BLK: variants seen among roughly 807,000 people sequenced by gnomAD.
The protein encoded by BLK is tyrosine-protein kinase Blk.
Under a neutral mutation model 61.8 loss-of-function variants are expected in BLK, and 64 were observed. That is an observed-to-expected ratio of 1.03 (90% confidence interval 0.85 to 1.27). The LOEUF (loss-of-function observed/expected upper bound fraction) is 1.27. Among genes scored for constraint, BLK ranks in the 50% most tolerant of loss-of-function variants. The pLI is 0.00. For missense variants in BLK, 853 were observed against 660.5 expected (o/e 1.29, Z -3.19); for synonymous variants, 351 against 272.0 (o/e 1.29, Z -2.86).
At chr8:11,510,708 A>T (rs1417050842) in intron 1 of BLK, among the ~76,000 whole-genome samples, 1 of 152,084 alleles carries the variant, frequency 6.6e-6, no homozygotes, top group Non-Finnish European at 1.5e-5. Flanking sequence ...CAGTAATGGG[A>T]TAGGGAATAT....
intron 6 of BLK, among the ~76,000 whole-genome samples, chr8:11,553,858 G>A (rs1237107471): frequency 6.6e-6 from 1 of 152,202 alleles, no homozygotes; most frequent in Non-Finnish European, 1.5e-5. Context: ...GGAGAGGAAA[G>A]AGCCTTAAGT....
chr8:11,559,478 CACACAA>C (rs1801385321), intron 10 of BLK, among the ~76,000 whole-genome samples: 1 of 150,616 alleles, frequency 6.6e-6, no homozygotes, highest in Admixed American at 6.6e-5. Context: ...AACACAAACT[CACACAA>C]ACACATTTAC....
intron 1 of BLK, among the ~76,000 whole-genome samples, chr8:11,513,396 G>C (rs1259750828): frequency 2.0e-5 from 3 of 152,234 alleles, no homozygotes; most frequent in Middle Eastern, 3.2e-3. Flanking sequence ...CATCATTCCT[G>C]ATGGAGCCCT....
At chr8:11,555,010 G>A in intron 7 of BLK, 121 bp downstream of exon 7, 2 of 1,456,434 alleles carry the variant, frequency 1.4e-6, no homozygotes, top group Non-Finnish European at 1.8e-6. Context: ...TTATCCCAAA[G>A]TTAGGCCTAA....
rs140800181 is a variant in BLK at position 11,503,618 on chromosome 8, G to A, written c.-2+9027G>A. 4.6e-5 allele frequency among the ~76,000 whole-genome samples: 7 copies of A among 152,328 alleles called. No individual in the cohort carries two copies. The East Asian group carries it at 1.4e-3, about 29-fold the overall frequency. On this transcript the variant is annotated intron_variant, in intron 1 of 12. Coordinates refer to ENST00000259089, the MANE Select transcript of BLK (RefSeq NM_001715.3). Reference sequence around the variant, plus strand: ...ATTTCCTGCCGTGGACCAGGGATCTGTGTGCTGTCTGAAGTAAGCAAGGGT... The same window carrying A: ...ATTTCCTGCCGTGGACCAGGGATCTATGTGCTGTCTGAAGTAAGCAAGGGT...
chr8:11,535,252 A>G (rs1220956810), intron 1 of BLK, among the ~76,000 whole-genome samples: 11 of 145,884 alleles, frequency 7.5e-5, no homozygotes, highest in African/African-American at 2.8e-4. Flanking sequence ...AGGAAAGGAA[A>G]GAAAGAAAGA....
At chr8:11,553,394 G>C (rs1343351066) in intron 6 of BLK, 1 of 452,008 alleles carries the variant, frequency 2.2e-6, no homozygotes, top group African/African-American at 2.0e-5. Context: ...TCCAGGTTTT[G>C]TGAAACTGAA....
intron 5 of BLK, 23 bp from the exon 6 acceptor site, chr8:11,550,136 C>T: frequency 6.2e-7 from 1 of 1,606,586 alleles, no homozygotes; most frequent in Non-Finnish European, 8.5e-7. Flanking sequence ...CTCTGAGTTT[C>T]ACCTGTTCCT....
chr8:11,563,866 A>C, intron 12 of BLK, 37 bp from the exon 13 acceptor site: 1 of 1,574,696 alleles, frequency 6.4e-7, no homozygotes, highest in Non-Finnish European at 8.6e-7. Flanking sequence ...CGAGGACCCC[A>C]GCCCCTCACC....
chr8:11,504,427 G>C (rs1798692312), intron 1 of BLK, among the ~76,000 whole-genome samples: 1 of 140,152 alleles, frequency 7.1e-6, no homozygotes, highest in Non-Finnish European at 1.5e-5. Context: ...AAAAAGAAAA[G>C]ATCCCATTCA....
Position 11,557,834 on chromosome 8 carries a change from C to T in BLK, c.953-128C>T, listed in dbSNP as rs568662135. 6 of 764,758 alleles carry T rather than the reference C, an allele frequency of 7.8e-6. No individual in the cohort carries two copies. The East Asian group carries it at 1.1e-4, about 14-fold the overall frequency. 47.4% of individuals were successfully genotyped at this position (764,758 alleles called of 1,614,324 possible). On this transcript the variant is annotated intron_variant, in intron 9 of 12. Coordinates refer to ENST00000259089, the MANE Select transcript of BLK (RefSeq NM_001715.3). The stretch of plus-strand genomic sequence containing the variant: ...CAGTAGGTAGATCCTTCCTGATGCA[C>T]CGAGAGATCTGAGGGTGCAAACTCC...
rs114507929 is a variant in BLK at position 11,516,879 on chromosome 8, G to T, written c.-2+22288G>T. Among the ~76,000 whole-genome samples, 306 of 152,334 alleles carry T rather than the reference G, an allele frequency of 2.0e-3. 2 individuals carry two copies. The highest frequency in any genetic ancestry group is 6.9e-3 in the African/African-American group (286 of 41,568). On this transcript the variant is annotated intron_variant, in intron 1 of 12. Transcript: ENST00000259089. ...TTTAGCCACTGAGCAACACTGCTGT[G>T]GACACAAGTGTACAAATACCTGCTC...
chr8:11,539,513 T>C (rs1800279441), intron 1 of BLK, among the ~76,000 whole-genome samples: 1 of 152,240 alleles, frequency 6.6e-6, no homozygotes, highest in African/African-American at 2.4e-5. Context: ...CTCACATGTG[T>C]CTATATAATG....
intron 1 of BLK, among the ~76,000 whole-genome samples, chr8:11,512,111 G>C (rs1227390482): frequency 2.0e-5 from 3 of 152,200 alleles, no homozygotes; most frequent in Non-Finnish European, 4.4e-5. Flanking sequence ...TCCTTGAAGA[G>C]CTCAGGAGGA....
At chr8:11,499,269 G>C (rs543557984) in intron 1 of BLK, among the ~76,000 whole-genome samples, 1 of 152,346 alleles carries the variant, frequency 6.6e-6, no homozygotes, top group African/African-American at 2.4e-5. Flanking sequence ...AACCGGCTAT[G>C]CCACAGAGCC....
intron 1 of BLK, among the ~76,000 whole-genome samples, chr8:11,540,627 A>G (rs1398271785): frequency 6.6e-6 from 1 of 152,256 alleles, no homozygotes; most frequent in Non-Finnish European, 1.5e-5. Context: ...AACTATGGCA[A>G]CAGATTGGAA....
intron 6 of BLK, among the ~76,000 whole-genome samples, chr8:11,550,557 G>A (rs1800855205): frequency 6.6e-6 from 1 of 152,268 alleles, no homozygotes; most frequent in East Asian, 1.9e-4. Flanking sequence ...GCCAGTGGGG[G>A]CCAGGGAAGG....
At chr8:11,511,929 C>T (rs1027859618) in intron 1 of BLK, among the ~76,000 whole-genome samples, 4 of 152,010 alleles carry the variant, frequency 2.6e-5, no homozygotes, top group Admixed American at 6.6e-5. Flanking sequence ...TGGATGCTGT[C>T]GGGAGGTGGA....
At chr8:11,535,323 AG>A in intron 1 of BLK, among the ~76,000 whole-genome samples, 1 of 114,034 alleles carries the variant, frequency 8.8e-6, no homozygotes, top group Non-Finnish European at 2.0e-5. Context: ...AAAGAAAGAA[AG>A]AGAAGGAAAA....
Sources: allele counts gnomAD v4.1 joint callset (sites outside exome capture counted in the v4.1 genomes callset), GRCh38; gene constraint gnomAD v4.1.1; transcripts MANE v1.5; gene names NCBI Gene and HGNC (gene_info 2026-07-23, HGNC 2026-07-21).